Variants in NAALADL2 observed in about 807,000 individuals in gnomAD.
NAALADL2 encodes N-acetylated alpha-linked acidic dipeptidase like 2, also known as inactive N-acetylated-alpha-linked acidic dipeptidase-like protein 2.
A neutral mutation model predicts 87.2 loss-of-function variants in NAALADL2; 76 were observed. The observed-to-expected ratio is 0.87, with a 90% CI of 0.72 to 1.05. The LOEUF is 1.05. Ranked by LOEUF, NAALADL2 falls within the 50% of genes least tolerant of loss-of-function variation. The pLI is 0.00. For missense variants in NAALADL2, 1,089 were observed against 945.8 expected (o/e 1.15, Z -1.99); for synonymous variants, 354 against 331.0 (o/e 1.07, Z -0.75).
At chr3:175,639,354 T>C (rs1014112980) in intron 11 of NAALADL2, among the ~76,000 whole-genome samples, 34 of 131,420 alleles carry the variant, frequency 2.6e-4, no homozygotes, top group African/African-American at 9.9e-4. Flanking sequence ...GGAGTCTCGC[T>C]CTGTTGCCCA....
intron 2 of NAALADL2, among the ~76,000 whole-genome samples, chr3:175,169,402 C>CATAGAATTT (rs1491484335): frequency 6.6e-6 from 1 of 150,976 alleles, no homozygotes; most frequent in African/African-American, 2.4e-5. Flanking sequence ...CTATGAATCT[C>CATAGAATTT]AGTTTTATAT....
Position 174,552,086 on chromosome 3 carries a change from A to C in NAALADL2, c.-115+1449A>C, listed in dbSNP as rs141659141. Among the ~76,000 whole-genome samples, 663 of 152,368 alleles carry C rather than the reference A, an allele frequency of 4.4e-3. 3 individuals carry two copies. Among genetic ancestry groups the C allele is most frequent in the Non-Finnish European group, 7.0e-3 (474 of 68,032 alleles). On this transcript the variant is annotated intron_variant, in intron 2 of 3. Coordinates refer to the NAALADL2 transcript ENST00000434257. ...CTAGTGCCTTGTGGATACTAATCGTATTAGTGAAGGCTATTATGAATACCA... is the reference window on the plus strand; with the variant it reads ...CTAGTGCCTTGTGGATACTAATCGTCTTAGTGAAGGCTATTATGAATACCA...
chr3:174,531,200 CT>C (rs1721206005), intron 1 of NAALADL2, among the ~76,000 whole-genome samples: 1 of 151,834 alleles, frequency 6.6e-6, no homozygotes, highest in South Asian at 2.1e-4. Context: ...TTTTAATCAA[CT>C]TTTATCACAT....
At chr3:174,586,773 A>G (rs1490082724) in intron 2 of NAALADL2, among the ~76,000 whole-genome samples, 1 of 152,150 alleles carries the variant, frequency 6.6e-6, no homozygotes, top group Non-Finnish European at 1.5e-5. Flanking sequence ...TTCTCAAGGT[A>G]TGCTTATGTT....
At chr3:175,646,419 T>A (rs971154780) in intron 11 of NAALADL2, among the ~76,000 whole-genome samples, 7 of 152,130 alleles carry the variant, frequency 4.6e-5, no homozygotes, top group Non-Finnish European at 8.8e-5. Flanking sequence ...TCCATATCAC[T>A]TATGTGGATG....
At chr3:174,808,831 C>A (rs193006730) in intron 3 of NAALADL2, among the ~76,000 whole-genome samples, 55 of 150,844 alleles carry the variant, frequency 3.6e-4, no homozygotes, top group Middle Eastern at 3.4e-3. Context: ...TGTGCACATG[C>A]ATGTGTGTGT....
rs75284305 is a variant in NAALADL2 at position 175,594,376 on chromosome 3, A to C, written c.1800+18189A>C. Among the ~76,000 whole-genome samples, 293 of 152,034 alleles carry C rather than the reference A, an allele frequency of 1.9e-3. 7 individuals carry two copies. In the East Asian group the frequency reaches 0.039, roughly 20 times the overall value. On this transcript the variant is annotated intron_variant, in intron 10 of 13. Transcript: ENST00000454872. ...GTATTCCATTGTATATATATACCAC[A>C]TTTTCTATTCAGTCCACTACTGATC... is the stretch of plus-strand genomic sequence containing the variant.
intron 1 of NAALADL2, among the ~76,000 whole-genome samples, chr3:175,082,056 G>GTGTC (rs1298406723): frequency 6.6e-6 from 1 of 151,936 alleles, no homozygotes; most frequent in Non-Finnish European, 1.5e-5. Context: ...GTATGTGTGT[G>GTGTC]TGTGTGTATG....
chr3:174,497,598 A>C (rs1195669505), intron 1 of NAALADL2, among the ~76,000 whole-genome samples: 1 of 151,068 alleles, frequency 6.6e-6, no homozygotes, highest in Non-Finnish European at 1.5e-5. Flanking sequence ...CTATTATTGC[A>C]ATTGCCACAT....
At chr3:175,030,730 G>A (rs969836044) in intron 1 of NAALADL2, among the ~76,000 whole-genome samples, 2 of 152,026 alleles carry the variant, frequency 1.3e-5, no homozygotes, top group Non-Finnish European at 2.9e-5. Context: ...AAGTGTAGCA[G>A]TACAAATCTT....
At chr3:175,654,809 G>A (rs1731227450) in intron 11 of NAALADL2, among the ~76,000 whole-genome samples, 1 of 152,138 alleles carries the variant, frequency 6.6e-6, no homozygotes, top group African/African-American at 2.4e-5. Flanking sequence ...TGACTTTTCT[G>A]TGTTTCTTGG....
intron 3 of NAALADL2, among the ~76,000 whole-genome samples, chr3:174,846,395 A>G (rs767542247): frequency 3.9e-5 from 6 of 152,170 alleles, no homozygotes; most frequent in African/African-American, 4.8e-5. Context: ...ATGAGAGCCA[A>G]ATAAGTCTAG....
intron 3 of NAALADL2, among the ~76,000 whole-genome samples, chr3:174,839,968 A>G (rs1013483460): frequency 1.3e-5 from 2 of 152,164 alleles, no homozygotes; most frequent in African/African-American, 4.8e-5. Flanking sequence ...GTAAAAGTAG[A>G]ACTACCATTT....
intron 2 of NAALADL2, among the ~76,000 whole-genome samples, chr3:174,690,621 AATGGAAATGGCATTTT>A (rs1458546326): frequency 1.3e-5 from 2 of 152,130 alleles, no homozygotes; most frequent in African/African-American, 2.4e-5. Flanking sequence ...ATGCCATTTT[AATGGAAATGGCATTTT>A]TATGAAATGC....
At chr3:174,734,766 C>T (rs557761699) in intron 2 of NAALADL2, among the ~76,000 whole-genome samples, 14 of 152,186 alleles carry the variant, frequency 9.2e-5, no homozygotes, top group African/African-American at 3.4e-4. Context: ...ACAAGATCTA[C>T]CTTAAGCACC....
intron 3 of NAALADL2, among the ~76,000 whole-genome samples, chr3:175,240,278 A>C (rs1746610392): frequency 6.6e-6 from 1 of 152,228 alleles, no homozygotes; most frequent in African/African-American, 2.4e-5. Context: ...GTAAAATATC[A>C]ATATGTAGTG....
At chr3:175,047,766 A>G (rs567459317) in intron 1 of NAALADL2, among the ~76,000 whole-genome samples, 1 of 152,330 alleles carries the variant, frequency 6.6e-6, no homozygotes, top group Admixed American at 6.5e-5. Context: ...TTATTAAAAC[A>G]TACATGAAAA....
intron 2 of NAALADL2, among the ~76,000 whole-genome samples, chr3:174,593,880 ACTAACACTGATG>A (rs1316259173): frequency 1.3e-5 from 2 of 152,174 alleles, no homozygotes; most frequent in East Asian, 3.9e-4. Context: ...AGTAATTGAG[ACTAACACTGATG>A]CTTAATGAAA....
intron 1 of NAALADL2, among the ~76,000 whole-genome samples, chr3:174,532,923 C>T (rs1012383756): frequency 3.3e-5 from 5 of 151,290 alleles, no homozygotes; most frequent in African/African-American, 1.2e-4. Flanking sequence ...ATTCATAGTA[C>T]CCCCCTCCTT....
Sources: allele counts gnomAD v4.1 joint callset (sites outside exome capture counted in the v4.1 genomes callset), GRCh38; gene constraint gnomAD v4.1.1; transcripts MANE v1.5; gene names NCBI Gene and HGNC (gene_info 2026-07-23, HGNC 2026-07-21).